NCKAP5: variants seen among roughly 807,000 people sequenced by gnomAD.
NCKAP5 encodes the protein nck-associated protein 5.
Under a neutral mutation model 167.0 loss-of-function variants are expected in NCKAP5, and 92 were observed. That is an observed-to-expected ratio of 0.55 (90% CI 0.47 to 0.66). The LOEUF is 0.66. Among genes scored for constraint, NCKAP5 ranks in the 30% least tolerant of loss-of-function variants. The pLI is 0.00. For synonymous variants in NCKAP5, 891 were observed against 877.4 expected (o/e 1.02, Z -0.27); for missense variants, 2,378 against 2,315.0 (o/e 1.03, Z -0.56).
At chr2:133,163,308 A>G (rs1416108618) in intron 5 of NCKAP5, among the ~76,000 whole-genome samples, 1 of 152,200 alleles carries the variant, frequency 6.6e-6, no homozygotes, top group East Asian at 1.9e-4. Context: ...GATTGCCTCT[A>G]CACGTACAGA....
intron 19 of NCKAP5, among the ~76,000 whole-genome samples, chr2:132,697,270 G>T (rs1444027024): frequency 6.6e-6 from 1 of 152,212 alleles, no homozygotes; most frequent in Non-Finnish European, 1.5e-5. Flanking sequence ...TCAGGACAGT[G>T]CTCCCTTGAT....
chr2:132,994,922 T>G (rs144882258), intron 6 of NCKAP5, among the ~76,000 whole-genome samples: 123 of 152,194 alleles, frequency 8.1e-4, no homozygotes, highest in African/African-American at 2.9e-3. Flanking sequence ...TGTAGAAAAA[T>G]TATAAAACAA....
rs149595073 is a variant in NCKAP5 at position 133,305,822 on chromosome 2, C to T, written c.70-2712G>A. Among the ~76,000 whole-genome samples, 456 of 152,220 alleles carry T rather than the reference C, an allele frequency of 3.0e-3. 6 individuals are homozygous for T. The highest frequency in any genetic ancestry group is 0.01 in the African/African-American group (433 of 41,548). ...ATTGATTCTTCATCCCTCTTTTCAGCTTTATTTTTTCTCTATGGCATTCTT... is the reference window on the plus strand; with the variant it reads ...ATTGATTCTTCATCCCTCTTTTCAGTTTTATTTTTTCTCTATGGCATTCTT... On this transcript the variant is annotated intron_variant, in intron 3 of 19. Transcript: ENST00000409261.
chr2:132,895,216 A>G (rs374102202), intron 8 of NCKAP5, among the ~76,000 whole-genome samples: 2 of 151,990 alleles, frequency 1.3e-5, no homozygotes, highest in East Asian at 2.0e-4. Context: ...CTGTAGTCCC[A>G]GCTACTCTGG....
intron 15 of NCKAP5, among the ~76,000 whole-genome samples, chr2:132,778,647 T>C (rs1023219041): frequency 1.3e-5 from 2 of 152,288 alleles, no homozygotes; most frequent in African/African-American, 4.8e-5. Flanking sequence ...CAAAATAACT[T>C]CTATGAAAAC....
chr2:132,711,840 T>C (rs1246815091), intron 19 of NCKAP5, among the ~76,000 whole-genome samples: 1 of 152,170 alleles, frequency 6.6e-6, no homozygotes, highest in Non-Finnish European at 1.5e-5. Context: ...TCCTTCTCCA[T>C]TGAGCTTACA....
At chr2:133,201,092 G>C (rs1450519136) in intron 5 of NCKAP5, among the ~76,000 whole-genome samples, 1 of 151,996 alleles carries the variant, frequency 6.6e-6, no homozygotes, top group Non-Finnish European at 1.5e-5. Flanking sequence ...AAGTAAAATA[G>C]GTGTTCCTTG....
chr2:133,021,152 G>T (rs952567126), intron 6 of NCKAP5, among the ~76,000 whole-genome samples: 1 of 152,162 alleles, frequency 6.6e-6, no homozygotes, highest in African/African-American at 2.4e-5. Context: ...TAGTTTCCAT[G>T]CACTATGCAT....
At chr2:132,706,893 C>T (rs574776648) in intron 19 of NCKAP5, among the ~76,000 whole-genome samples, 7 of 152,156 alleles carry the variant, frequency 4.6e-5, no homozygotes, top group East Asian at 1.9e-4. Context: ...CATATTATGG[C>T]GCTTAAGCAT....
chr2:133,188,355 G>A (rs554802273), intron 5 of NCKAP5, among the ~76,000 whole-genome samples: 2 of 152,164 alleles, frequency 1.3e-5, no homozygotes, highest in South Asian at 2.1e-4. Context: ...ACAGTCCACT[G>A]TTAACATTAG....
chr2:133,386,571 G>T (rs1177536152), intron 3 of NCKAP5, among the ~76,000 whole-genome samples: 1 of 152,164 alleles, frequency 6.6e-6, no homozygotes, highest in Non-Finnish European at 1.5e-5. Context: ...GGTCTGCTTG[G>T]TGCAGAGCTG....
chr2:133,563,462 G>A (rs918655277), intron 1 of NCKAP5, among the ~76,000 whole-genome samples: 1 of 150,648 alleles, frequency 6.6e-6, no homozygotes, highest in Non-Finnish European at 1.5e-5. Context: ...CCAGCTACTT[G>A]GGAGGCTGAG....
intron 6 of NCKAP5, among the ~76,000 whole-genome samples, chr2:133,073,245 CT>C (rs2080482370): frequency 6.6e-6 from 1 of 151,748 alleles, no homozygotes; most frequent in African/African-American, 2.4e-5. Context: ...TTCTTTCTCC[CT>C]TTTTTTATTC....
chr2:132,741,201 G>T (rs1679155309), intron 16 of NCKAP5, among the ~76,000 whole-genome samples: 1 of 151,982 alleles, frequency 6.6e-6, no homozygotes, highest in Admixed American at 6.6e-5. Context: ...TTTGGGAATG[G>T]TTATTGGTCT....
At chr2:133,185,708 T>C (rs1315327713) in intron 5 of NCKAP5, among the ~76,000 whole-genome samples, 2 of 152,120 alleles carry the variant, frequency 1.3e-5, no homozygotes, top group African/African-American at 2.4e-5. Flanking sequence ...CGATACTTCA[T>C]TTTTTATGGC....
At chr2:132,894,571 T>C (rs994750603) in intron 8 of NCKAP5, among the ~76,000 whole-genome samples, 1 of 152,232 alleles carries the variant, frequency 6.6e-6, no homozygotes, top group African/African-American at 2.4e-5. Flanking sequence ...TATGAAATTA[T>C]TTTGTTCAGG....
intron 16 of NCKAP5, among the ~76,000 whole-genome samples, chr2:132,753,424 T>G (rs1223695847): frequency 6.6e-6 from 1 of 152,178 alleles, no homozygotes; most frequent in Admixed American, 6.5e-5. Context: ...TCCTCAAATC[T>G]TATGGAAATG....
At chr2:133,417,401 A>G (rs1004041119) in intron 3 of NCKAP5, among the ~76,000 whole-genome samples, 3 of 152,196 alleles carry the variant, frequency 2.0e-5, no homozygotes, top group Non-Finnish European at 2.9e-5. Flanking sequence ...ACTCCTAAAG[A>G]CTGCGCAGCC....
intron 3 of NCKAP5, among the ~76,000 whole-genome samples, chr2:133,417,979 T>C (rs1689228195): frequency 6.6e-6 from 1 of 152,224 alleles, no homozygotes; most frequent in Admixed American, 6.5e-5. Flanking sequence ...ATACGTTTCT[T>C]AGATGAACTT....
Sources: gnomAD v4.1 joint callset for allele counts (sites outside exome capture counted in the v4.1 genomes callset) on GRCh38, gnomAD v4.1.1 for gene constraint, MANE v1.5 for transcripts, NCBI Gene and HGNC (gene_info 2026-07-23, HGNC 2026-07-21) for gene names.